Variants in MYO5B observed in about 807,000 individuals in gnomAD.
MYO5B encodes the protein myosin VB.
A neutral mutation model predicts 229.3 loss-of-function variants in MYO5B; 143 were observed. That is an observed-to-expected ratio of 0.62 (90% confidence interval 0.54 to 0.72). The LOEUF is 0.72. Among genes scored for constraint, MYO5B ranks in the 30% least tolerant of loss-of-function variants. MYO5B has a pLI of 0.00. For synonymous variants in MYO5B, 918 were observed against 885.2 expected (o/e 1.04, Z -0.66); for missense variants, 2,321 against 2,331.0 (o/e 1.00, Z 0.09).
intron 39 of MYO5B, 40 bp downstream of exon 39, chr18:49,835,304 C>A: frequency 2.1e-6 from 3 of 1,445,266 alleles, no homozygotes; most frequent in South Asian, 2.3e-5. Flanking sequence ...CCTTTATAGT[C>A]GTAGACTGGA....
chr18:50,142,774 A>T (rs2032437057), intron 1 of MYO5B, among the ~76,000 whole-genome samples: 1 of 152,226 alleles, frequency 6.6e-6, no homozygotes, highest in Non-Finnish European at 1.5e-5. Flanking sequence ...CTTAAAGGGT[A>T]ACCTCAGTCT....
At chr18:49,904,182 T>C (rs895981729) in intron 20 of MYO5B, among the ~76,000 whole-genome samples, 7 of 152,228 alleles carry the variant, frequency 4.6e-5, no homozygotes, top group Non-Finnish European at 7.3e-5. Flanking sequence ...CAGGAGATGT[T>C]TGAGTCATAG....
At chr18:49,849,787 G>T (rs966540358) in intron 31 of MYO5B, 127 bp from the exon 32 acceptor site, 4 of 775,438 alleles carry the variant, frequency 5.2e-6, no homozygotes, top group East Asian at 2.5e-5. Context: ...GCGCCAGTCA[G>T]GGACGCTGCC....
chr18:49,977,200 AT>A, intron 9 of MYO5B, among the ~76,000 whole-genome samples: 1 of 152,266 alleles, frequency 6.6e-6, no homozygotes, highest in South Asian at 2.1e-4. Flanking sequence ...ACTGAAACTG[AT>A]TTAACATCGT....
In MYO5B at chr18:49,826,196, G is replaced by A; in HGVS notation, c.*275C>T. On this transcript the variant is annotated 3_prime_UTR_variant, in exon 40 of 40. Transcript: ENST00000285039. ...GAATTGACACCTTTTATATGTCTATGGGGACTGCTTGGTGTCTATAAATTA... is the reference window on the plus strand; with the variant it reads ...GAATTGACACCTTTTATATGTCTATAGGGACTGCTTGGTGTCTATAAATTA... 2.3e-6 allele frequency: 1 copy of A among 438,182 alleles called. No individual in the cohort carries two copies. Among genetic ancestry groups the A allele is most frequent in the Non-Finnish European group, 4.2e-6 (1 of 236,220 alleles). 27.1% of individuals were successfully genotyped at this position (438,182 alleles called of 1,614,324 possible). A position where few individuals can be genotyped will look rare whatever the true frequency, so the allele number is the denominator to read the frequency against.
At chr18:50,037,030 C>G in intron 3 of MYO5B, 36 bp from the exon 4 acceptor site, 1 of 1,613,404 alleles carries the variant, frequency 6.2e-7, no homozygotes. Flanking sequence ...TCCGACAGCA[C>G]AGAAGACACC....
intron 21 of MYO5B, among the ~76,000 whole-genome samples, chr18:49,902,002 C>T (rs1404152497): frequency 6.6e-6 from 1 of 152,250 alleles, no homozygotes; most frequent in Non-Finnish European, 1.5e-5. Flanking sequence ...TATGTCACCC[C>T]TGCAAGGGCA....
chr18:50,153,537 G>A (rs1479496579), intron 1 of MYO5B, among the ~76,000 whole-genome samples: 1 of 152,134 alleles, frequency 6.6e-6, no homozygotes, highest in Non-Finnish European at 1.5e-5. Flanking sequence ...TGCAGCCTCC[G>A]CCTCCCGGGT....
At chr18:50,091,027 G>A (rs8089202) in intron 1 of MYO5B, among the ~76,000 whole-genome samples, 2,459 of 152,254 alleles carry the variant, frequency 0.016, 57 homozygotes, top group African/African-American at 0.051. Flanking sequence ...GTTGCTTACC[G>A]GCAGGTATGT....
At chr18:50,139,207 A>C (rs1315080746) in intron 1 of MYO5B, among the ~76,000 whole-genome samples, 1 of 152,172 alleles carries the variant, frequency 6.6e-6, no homozygotes, top group Non-Finnish European at 1.5e-5. Context: ...TGGTTCCAAG[A>C]TGTGAGATGT....
chr18:49,939,387 G>A (rs538853161), intron 14 of MYO5B, among the ~76,000 whole-genome samples: 3 of 152,088 alleles, frequency 2.0e-5, no homozygotes, highest in East Asian at 3.9e-4. Context: ...CTCGTGATCC[G>A]CCCGCCTCGG....
intron 14 of MYO5B, among the ~76,000 whole-genome samples, chr18:49,939,837 T>C (rs1485812115): frequency 6.6e-6 from 1 of 152,240 alleles, no homozygotes; most frequent in African/African-American, 2.4e-5. Flanking sequence ...TTTGAGGTAC[T>C]TGCAACAACA....
At chr18:49,955,026 G>A (rs777527335) in intron 12 of MYO5B, among the ~76,000 whole-genome samples, 10 of 152,126 alleles carry the variant, frequency 6.6e-5, no homozygotes, top group Non-Finnish European at 1.0e-4. Context: ...CCTGAGTTTT[G>A]GGTTTCATCA....
At chr18:49,997,267 TAAA>T (rs58927375) in intron 5 of MYO5B, among the ~76,000 whole-genome samples, 11,206 of 97,144 alleles carry the variant, frequency 0.12, 680 homozygotes, top group Non-Finnish European at 0.13. Flanking sequence ...GTCCTGTCTT[TAAA>T]AAAAAAAAAA....
At chr18:49,976,772 T>C (rs2025755864) in intron 9 of MYO5B, among the ~76,000 whole-genome samples, 2 of 152,300 alleles carry the variant, frequency 1.3e-5, no homozygotes, top group African/African-American at 4.8e-5. Flanking sequence ...CTACTTCTCC[T>C]GGCCAAGATC....
chr18:49,937,809 G>C (rs1208891754), intron 14 of MYO5B, among the ~76,000 whole-genome samples: 1 of 151,812 alleles, frequency 6.6e-6, no homozygotes, highest in East Asian at 1.9e-4. Flanking sequence ...GTTGCTAGGG[G>C]TTGGGGGAGA....
At chr18:50,188,816 A>AAAAAACAC (rs1568138517) in intron 1 of MYO5B, among the ~76,000 whole-genome samples, 1 of 141,298 alleles carries the variant, frequency 7.1e-6, no homozygotes, top group African/African-American at 2.6e-5. Context: ...AAAAAAAAAA[A>AAAAAACAC]ACACACACAC....
chr18:49,841,485 A>G, intron 34 of MYO5B, 31 bp from the exon 35 acceptor site: 3 of 1,585,700 alleles, frequency 1.9e-6, no homozygotes, highest in Non-Finnish European at 2.6e-6. Flanking sequence ...CCTCAGCTCT[A>G]AGTGGCTCCC....
chr18:49,847,152 C>G lies in MYO5B; in HGVS notation c.4453G>C (p.Val1485Leu). The G allele has an allele frequency of 6.2e-7, 1 of 1,614,114 alleles. No homozygotes were observed. Among genetic ancestry groups the G allele is most frequent in the Non-Finnish European group, 8.5e-7 (1 of 1,180,018 alleles). Residue 1485 changes from valine to leucine, a missense_variant, in exon 33 of 40, where the codon GTG becomes CTG. Val to Leu is a conservative substitution (Grantham distance 32, BLOSUM62 1). Coordinates refer to ENST00000285039, the MANE Select transcript of MYO5B (RefSeq NM_001080467.3). ...TGGCACAGAGGGTCCTTACCTGTCACCAGGTTCCGGATGAGGAGGGCCTCG... is the reference window on the plus strand; with the variant it reads ...TGGCACAGAGGGTCCTTACCTGTCAGCAGGTTCCGGATGAGGAGGGCCTCG... Reference protein sequence around the residue: ...EDEALLIRNLVTDLKPQMLSG... With the variant: ...EDEALLIRNLLTDLKPQMLSG...
Sources: allele counts gnomAD v4.1 joint callset (sites outside exome capture counted in the v4.1 genomes callset), GRCh38; gene constraint gnomAD v4.1.1; transcripts MANE v1.5; gene names NCBI Gene and HGNC (gene_info 2026-07-23, HGNC 2026-07-21).